MTIF2: variants seen among roughly 807,000 people sequenced by gnomAD.
MTIF2 encodes the protein mitochondrial translational initiation factor 2, also known as translation initiation factor IF-2, mitochondrial.
In MTIF2, 71 loss-of-function variants were observed where a neutral mutation model predicts 83.5. The ratio of observed to expected loss-of-function variants is 0.85; its 90% CI spans 0.70 to 1.04. MTIF2 has a LOEUF of 1.04. Ranked by LOEUF, MTIF2 falls within the 50% of genes least tolerant of loss-of-function variation. The pLI is 0.00. For synonymous variants in MTIF2, 319 were observed against 287.1 expected (o/e 1.11, Z -1.12); for missense variants, 957 against 846.5 (o/e 1.13, Z -1.62).
chr2:55,243,929 A>G (rs1185266114), intron 11 of MTIF2, 100 bp downstream of exon 11: 13 of 1,102,424 alleles, frequency 1.2e-5, no homozygotes, highest in Non-Finnish European at 1.6e-5. Flanking sequence ...CTTATAATCT[A>G]GATTTGTTAA....
At chr2:55,238,389 G>GTTTTTT (rs34278300) in intron 14 of MTIF2, among the ~76,000 whole-genome samples, 2 of 117,444 alleles carry the variant, frequency 1.7e-5, no homozygotes, top group Non-Finnish European at 3.3e-5. Flanking sequence ...TCTGAGCCTG[G>GTTTTTT]TTTTTTTTTT....
intron 8 of MTIF2, 126 bp downstream of exon 8, chr2:55,252,351 T>G: frequency 1.3e-6 from 1 of 797,326 alleles, no homozygotes; most frequent in Non-Finnish European, 2.0e-6. Flanking sequence ...CAATTTATCT[T>G]TGAGGCTTAT....
chr2:55,236,704 C>T lies in MTIF2; in HGVS notation c.2128G>A (p.Val710Ile). Residue 710 changes from valine (V) to isoleucine (I), a missense_variant, in exon 16 of 16, where the codon GTT (valine) becomes ATT (isoleucine). Transcript: ENST00000263629. ...NMEFQVGDRI[V>I]CYEEKQIQAK... ...TGAATTTGCTTTTCTTCATAACAAA[C>T]AATTCTGTCTCCCACTTGAAATTCC... The T allele has an allele frequency of 1.2e-6, 2 of 1,606,700 alleles. No homozygotes were observed. Among genetic ancestry groups the T allele is most frequent in the Non-Finnish European group, 1.7e-6 (2 of 1,178,064 alleles).
intron 4 of MTIF2, among the ~76,000 whole-genome samples, chr2:55,263,368 A>G: frequency 6.6e-6 from 1 of 152,218 alleles, no homozygotes; most frequent in East Asian, 1.9e-4. Flanking sequence ...AATATTCTGT[A>G]AATGATAAAT....
intron 7 of MTIF2, among the ~76,000 whole-genome samples, chr2:55,253,590 G>A (rs1023356917): frequency 6.6e-6 from 1 of 152,038 alleles, no homozygotes; most frequent in East Asian, 1.9e-4. Flanking sequence ...GCTGAGGCAG[G>A]CGGACCACAA....
chr2:55,245,080 A>T (rs564097361), intron 10 of MTIF2, among the ~76,000 whole-genome samples: 1 of 152,240 alleles, frequency 6.6e-6, no homozygotes, highest in East Asian at 1.9e-4. Flanking sequence ...AATAAATATT[A>T]AATTGTTTAA....
Position 55,254,832 on chromosome 2 carries a change from G to A in MTIF2, c.332-7C>T. The A allele has an allele frequency of 4.6e-6, 7 of 1,517,064 alleles. No homozygotes were observed. The highest frequency in any genetic ancestry group is 2.4e-5 in the East Asian group (1 of 41,564). The allele number at this position is 1,517,064 out of a possible 1,614,324, so 94.0% of individuals were successfully genotyped here. A position where few individuals can be genotyped will look rare whatever the true frequency, so the allele number is the denominator to read the frequency against. On this transcript the variant is annotated splice_polypyrimidine_tract_variant and splice_region_variant and intron_variant, in intron 5 of 15. Transcript: ENST00000263629. ...AAAGCTTCATATACATAATCTGATT[G>A]GAATAAAATAAAACCTTTTAGGATC...
At chr2:55,249,300 T>A in intron 9 of MTIF2, 95 bp downstream of exon 9, 2 of 1,463,818 alleles carry the variant, frequency 1.4e-6, no homozygotes, top group Non-Finnish European at 1.8e-6. Context: ...CAACACAAAT[T>A]ATGTACATCA....
At chr2:55,237,194 T>A (rs1481678274) in intron 15 of MTIF2, 94 bp downstream of exon 15, 2 of 1,353,314 alleles carry the variant, frequency 1.5e-6, no homozygotes, top group African/African-American at 1.5e-5. Context: ...GCTGAGATTA[T>A]GGGCATGAAA....
intron 9 of MTIF2, among the ~76,000 whole-genome samples, chr2:55,248,927 G>A (rs1676892065): frequency 6.6e-6 from 1 of 152,038 alleles, no homozygotes; most frequent in Non-Finnish European, 1.5e-5. Flanking sequence ...CTTGAGGCCA[G>A]GTGTTCAAGA....
intron 5 of MTIF2, among the ~76,000 whole-genome samples, chr2:55,255,814 C>T (rs983864538): frequency 6.6e-6 from 1 of 152,088 alleles, no homozygotes; most frequent in Non-Finnish European, 1.5e-5. Flanking sequence ...CAATGGACAA[C>T]CCACATCTTT....
chr2:55,236,823 TA>T lies in MTIF2; in HGVS notation c.2012-4del, dbSNP rs781177023. Reference sequence around the variant, plus strand: ...GTGTTTCAATGAGGTTAATGAGCCTTAAAAAAGATAATTTAAGGTTAGTATA... The same window carrying T: ...GTGTTTCAATGAGGTTAATGAGCCTTAAAAAGATAATTTAAGGTTAGTATA... On this transcript the variant is annotated splice_polypyrimidine_tract_variant and splice_region_variant and intron_variant, in intron 15 of 15. Coordinates refer to ENST00000263629, the MANE Select transcript of MTIF2 (RefSeq NM_002453.3). 2 of 1,572,124 alleles carry T rather than the reference TA, an allele frequency of 1.3e-6. No homozygotes were observed. Among genetic ancestry groups the T allele is most frequent in the Non-Finnish European group, 1.7e-6 (2 of 1,165,968 alleles).
At chr2:55,258,418 C>T (rs536162914) in intron 5 of MTIF2, among the ~76,000 whole-genome samples, 3 of 152,268 alleles carry the variant, frequency 2.0e-5, no homozygotes, top group Admixed American at 6.5e-5. Flanking sequence ...CCTGTAATCC[C>T]ACCACTTTGG....
At chr2:55,248,607 T>C (rs961561625) in intron 9 of MTIF2, among the ~76,000 whole-genome samples, 3 of 152,210 alleles carry the variant, frequency 2.0e-5, no homozygotes, top group South Asian at 2.1e-4. Flanking sequence ...CAAGAAAGAA[T>C]AGATGGTAAT....
chr2:55,238,389 GTTTTTT>G (rs34278300), intron 14 of MTIF2, among the ~76,000 whole-genome samples: 1 of 117,444 alleles, frequency 8.5e-6, no homozygotes, highest in African/African-American at 3.3e-5. Flanking sequence ...TCTGAGCCTG[GTTTTTT>G]TTTTTTTTTT....
chr2:55,239,584 G>C (rs1016078482), intron 14 of MTIF2, among the ~76,000 whole-genome samples: 9 of 152,004 alleles, frequency 5.9e-5, no homozygotes, highest in African/African-American at 1.7e-4. Context: ...TCTTTACTCT[G>C]GCTATGATAT....
chr2:55,244,720 G>A (rs140877082), intron 10 of MTIF2, among the ~76,000 whole-genome samples: 53 of 152,062 alleles, frequency 3.5e-4, no homozygotes, highest in Middle Eastern at 3.4e-3. Flanking sequence ...TTTGAGACCA[G>A]CTAGGGCAAC....
At chr2:55,248,736 G>A (rs1255668880) in intron 9 of MTIF2, among the ~76,000 whole-genome samples, 1 of 152,188 alleles carries the variant, frequency 6.6e-6, no homozygotes, top group Non-Finnish European at 1.5e-5. Flanking sequence ...TGGTATTCAT[G>A]AACTTTTTGT....
intron 5 of MTIF2, among the ~76,000 whole-genome samples, 175 bp downstream of exon 5, chr2:55,262,141 C>T (rs2104456822): frequency 6.6e-6 from 1 of 152,184 alleles, no homozygotes; most frequent in South Asian, 2.1e-4. Context: ...CTACATTTGG[C>T]AGTCAAGAAA....
Sources: gnomAD v4.1 joint callset for allele counts (sites outside exome capture counted in the v4.1 genomes callset) on GRCh38, gnomAD v4.1.1 for gene constraint, MANE v1.5 for transcripts, NCBI Gene and HGNC (gene_info 2026-07-23, HGNC 2026-07-21) for gene names.